The following PCDH7 variants were observed in gnomAD, a reference collection of about 807,000 sequenced individuals.
PCDH7 encodes the protein protocadherin 7.
In PCDH7, 17 loss-of-function variants were observed where a neutral mutation model predicts 58.9. That is an observed-to-expected ratio of 0.29 (90% CI 0.20 to 0.43). PCDH7 has a LOEUF of 0.43. PCDH7 is among the 20% of genes least tolerant of loss of function. PCDH7 has a pLI of 1.00. For synonymous variants in PCDH7, 664 were observed against 616.4 expected (o/e 1.08, Z -1.14); for missense variants, 1,274 against 1,441.0 (o/e 0.88, Z 1.88).
At chr4:30,849,301 A>G (rs1200552283) in intron 1 of PCDH7, among the ~76,000 whole-genome samples, 3 of 152,162 alleles carry the variant, frequency 2.0e-5, no homozygotes, top group Admixed American at 2.0e-4. Flanking sequence ...TGTTAGCTCA[A>G]CTACCTTAAA....
chr4:31,021,947 T>C (rs1430322471), intron 3 of PCDH7, among the ~76,000 whole-genome samples: 2 of 152,166 alleles, frequency 1.3e-5, no homozygotes, highest in African/African-American at 4.8e-5. Context: ...GTATCTTTAG[T>C]TTTGAAATTA....
At chr4:31,106,684 T>G (rs1715622074) in intron 3 of PCDH7, among the ~76,000 whole-genome samples, 1 of 152,200 alleles carries the variant, frequency 6.6e-6, no homozygotes, top group Non-Finnish European at 1.5e-5. Context: ...TTATTTCACA[T>G]CAGTTATCAT....
exon 2 of PCDH7, chr4:30,730,814 T>A: frequency 6.2e-7 from 1 of 1,603,466 alleles, no homozygotes; most frequent in Non-Finnish European, 8.5e-7. Context: ...GATGCTCCAT[T>A]ATGCACCATA....
chr4:30,743,106 C>A (rs1371741487), intron 1 of PCDH7, among the ~76,000 whole-genome samples: 3 of 151,856 alleles, frequency 2.0e-5, no homozygotes, highest in African/African-American at 7.3e-5. Context: ...AATAAACTAG[C>A]TTTGGGGAAG....
downstream of PCDH7, chr4:31,143,506 A>C (rs998658011): frequency 6.6e-6 from 1 of 152,212 alleles, no homozygotes; most frequent in Non-Finnish European, 1.5e-5. Context: ...AAATTGTCAT[A>C]TGTTGTTATT....
At chr4:30,838,956 C>CT (rs1197669636) in intron 1 of PCDH7, among the ~76,000 whole-genome samples, 1 of 151,920 alleles carries the variant, frequency 6.6e-6, no homozygotes, top group African/African-American at 2.4e-5. Flanking sequence ...TTCCATCCTT[C>CT]TTTTTTTAAG....
At chr4:30,732,820 T>C (rs1399280385) in exon 2 of PCDH7, 1 of 152,168 alleles carries the variant, frequency 6.6e-6, no homozygotes, top group African/African-American at 2.4e-5. Context: ...AAAAAAATGC[T>C]GACACTCTCA....
intron 3 of PCDH7, among the ~76,000 whole-genome samples, chr4:30,955,135 G>A (rs929956908): frequency 4.0e-5 from 6 of 151,868 alleles, no homozygotes; most frequent in South Asian, 2.1e-4. Context: ...CTTGTTTGAG[G>A]TATACACAGA....
At chr4:31,126,129 T>TC (rs1303762958) in intron 3 of PCDH7, among the ~76,000 whole-genome samples, 2 of 148,402 alleles carry the variant, frequency 1.3e-5, no homozygotes, top group Admixed American at 6.7e-5. Flanking sequence ...ATCCTTTCTT[T>TC]TTTTTTTTTT....
intron 1 of PCDH7, among the ~76,000 whole-genome samples, chr4:30,804,050 TA>T (rs2109308233): frequency 6.6e-6 from 1 of 152,336 alleles, no homozygotes; most frequent in East Asian, 1.9e-4. Flanking sequence ...AATCGCCTCC[TA>T]AAGATCTCAC....
At chr4:30,806,021 A>G (rs1726147938) in intron 1 of PCDH7, among the ~76,000 whole-genome samples, 1 of 152,200 alleles carries the variant, frequency 6.6e-6, no homozygotes, top group Admixed American at 6.5e-5. Flanking sequence ...TTGAAATCCA[A>G]AATGCTCCAG....
At chr4:30,743,617 A>G (rs2109250864) in intron 1 of PCDH7, among the ~76,000 whole-genome samples, 1 of 116,958 alleles carries the variant, frequency 8.6e-6, no homozygotes, top group African/African-American at 2.7e-5. Flanking sequence ...TCCTAAACTT[A>G]TAGTTGAAAA....
intron 3 of PCDH7, among the ~76,000 whole-genome samples, chr4:31,068,079 G>A (rs575445496): frequency 6.6e-6 from 1 of 151,916 alleles, no homozygotes; most frequent in Non-Finnish European, 1.5e-5. Flanking sequence ...ATGCAGACAC[G>A]AAATTCCAAA....
chr4:30,784,057 G>T (rs1369181204), intron 1 of PCDH7, among the ~76,000 whole-genome samples: 3 of 152,110 alleles, frequency 2.0e-5, no homozygotes, highest in Non-Finnish European at 2.9e-5. Flanking sequence ...CAGCTGAATT[G>T]GACTTGACTG....
chr4:30,751,520 T>C (rs1034305411), intron 1 of PCDH7, among the ~76,000 whole-genome samples: 1 of 152,138 alleles, frequency 6.6e-6, no homozygotes, highest in African/African-American at 2.4e-5. Flanking sequence ...ATAGCCATAG[T>C]TGGGGAATAG....
intron 1 of PCDH7, among the ~76,000 whole-genome samples, chr4:30,818,076 T>A (rs149809408): frequency 0.013 from 1,956 of 152,232 alleles, 14 homozygotes; most frequent in Non-Finnish European, 0.017. Flanking sequence ...CTGTACCTGC[T>A]TAGCCTTTTG....
At chr4:31,134,288 C>T (rs1337535236) in intron 3 of PCDH7, among the ~76,000 whole-genome samples, 4 of 151,964 alleles carry the variant, frequency 2.6e-5, no homozygotes, top group African/African-American at 7.3e-5. Context: ...GATGAAACCC[C>T]GTCTCTACTA....
chr4:30,752,151 A>C (rs986224150), intron 1 of PCDH7, among the ~76,000 whole-genome samples: 1 of 151,280 alleles, frequency 6.6e-6, no homozygotes, highest in South Asian at 2.1e-4. Context: ...TTTTCCTTCA[A>C]GATGGAGTCT....
At chr4:31,054,779 A>G (rs910055932) in intron 3 of PCDH7, among the ~76,000 whole-genome samples, 1 of 152,134 alleles carries the variant, frequency 6.6e-6, no homozygotes, top group Admixed American at 6.6e-5. Context: ...GTATGACCTC[A>G]GTTCTTTTTT....
Sources: allele counts gnomAD v4.1 joint callset (sites outside exome capture counted in the v4.1 genomes callset), GRCh38; gene constraint gnomAD v4.1.1; transcripts MANE v1.5; gene names NCBI Gene and HGNC (gene_info 2026-07-23, HGNC 2026-07-21).